The following SELENOI variants were observed in gnomAD, a reference collection of about 807,000 sequenced individuals.
SELENOI encodes ethanolaminephosphotransferase 1.
Under a neutral mutation model 50.7 loss-of-function variants are expected in SELENOI, and 24 were observed. That is an observed-to-expected ratio of 0.47 (90% CI 0.34 to 0.67). SELENOI has a LOEUF of 0.67. Ranked by LOEUF, SELENOI falls within the 30% of genes least tolerant of loss-of-function variation. SELENOI has a pLI of 0.01. For synonymous variants in SELENOI, 155 were observed against 170.2 expected (o/e 0.91, Z 0.70); for missense variants, 352 against 461.4 (o/e 0.76, Z 2.17).
At chr2:26,370,185 A>C (rs1373017952) in intron 4 of SELENOI, among the ~76,000 whole-genome samples, 1 of 151,814 alleles carries the variant, frequency 6.6e-6, no homozygotes, top group African/African-American at 2.4e-5. Context: ...GTAAGGTCAC[A>C]GATCAACAGG....
chr2:26,382,676 A>G lies in SELENOI; in HGVS notation c.683-623A>G, dbSNP rs577910119. On this transcript the variant is annotated intron_variant, in intron 6 of 9. Coordinates refer to ENST00000260585, the MANE Select transcript of SELENOI (RefSeq NM_033505.4). Reference sequence around the variant, plus strand: ...GGGAGAGAACCAGTGTGCGAATGGAAGTAGCTAGGGGGAGAAACTGAAAAT... The same window carrying G: ...GGGAGAGAACCAGTGTGCGAATGGAGGTAGCTAGGGGGAGAAACTGAAAAT... Among the ~76,000 whole-genome samples the G allele has an allele frequency of 2.6e-5, 4 of 152,216 alleles. No homozygotes were observed. In the East Asian group the frequency reaches 7.7e-4, roughly 29 times the overall value.
At chr2:26,375,975 G>A (rs962490635) in intron 6 of SELENOI, among the ~76,000 whole-genome samples, 1 of 151,568 alleles carries the variant, frequency 6.6e-6, no homozygotes, top group Non-Finnish European at 1.5e-5. Context: ...TGTGGTGCGT[G>A]CACCTGTAAT....
Position 26,392,244 on chromosome 2 carries a change from A to G in SELENOI, c.*3141A>G, listed in dbSNP as rs1677987407. 3 of 152,190 alleles carry G rather than the reference A, an allele frequency of 2.0e-5. No homozygotes were observed. In the South Asian group the frequency reaches 6.2e-4, roughly 32 times the overall value. The allele number at this position is 152,190 out of a possible 1,614,324, so 9.4% of individuals were successfully genotyped here. On this transcript the variant is annotated 3_prime_UTR_variant, in exon 10 of 10. Transcript: ENST00000260585. ...AAAGGAAAAAGCAGGCATAGTTTCCACTTTAAAGGGAAGAAGGGACTTTAA... is the reference window on the plus strand; with the variant it reads ...AAAGGAAAAAGCAGGCATAGTTTCCGCTTTAAAGGGAAGAAGGGACTTTAA...
Position 26,354,612 on chromosome 2 carries a change from T to C in SELENOI, c.57+8323T>C, listed in dbSNP as rs376660335. ...TTCACCGTGTTAGCTAGGATGGTCT[T>C]GATCTCCTGACTTCATGATTCGCCC... On this transcript the variant is annotated intron_variant, in intron 1 of 9. Coordinates refer to ENST00000260585, the MANE Select transcript of SELENOI (RefSeq NM_033505.4). Among the ~76,000 whole-genome samples the C allele has an allele frequency of 4.4e-4, 67 of 152,148 alleles. 1 individual carries two copies. In the South Asian group the frequency reaches 0.011, roughly 24 times the overall value.
At position 26,373,531 on chromosome 2, in the gene SELENOI, C is replaced by T; in HGVS notation, c.475C>T (p.Leu159=). 6.2e-7 allele frequency: 1 copy of T among 1,613,934 alleles called. No individual in the cohort carries two copies. The highest frequency in any genetic ancestry group is 8.5e-7 in the Non-Finnish European group (1 of 1,179,860). The change falls in exon 5 of 10, where the codon CTG becomes TTG. Residue 159 remains leucine (L), a synonymous_variant. Coordinates refer to ENST00000260585, the MANE Select transcript of SELENOI (RefSeq NM_033505.4). ...TGTCAGTGTTTTTGTTCTTTATCTC[C>T]TGCTATGGGTAGTTTTGTTTTCTTT... is the stretch of plus-strand genomic sequence containing the variant. ...TGVSVFVLYL[L]LWVVLFSFIL...
chr2:26,351,446 C>T (rs770795030), intron 1 of SELENOI, among the ~76,000 whole-genome samples: 5 of 152,132 alleles, frequency 3.3e-5, no homozygotes, highest in Non-Finnish European at 5.9e-5. Context: ...CACTTTCTAC[C>T]GAATGCGTGT....
At chr2:26,349,120 A>G (rs1162559302) in intron 1 of SELENOI, among the ~76,000 whole-genome samples, 2 of 130,110 alleles carry the variant, frequency 1.5e-5, no homozygotes. Context: ...CGTTCAAGCG[A>G]TTCTCCTGTC....
chr2:26,363,358 A>G (rs536735633), intron 1 of SELENOI, among the ~76,000 whole-genome samples: 21 of 152,310 alleles, frequency 1.4e-4, no homozygotes, highest in African/African-American at 5.1e-4. Context: ...GTGTATCGTA[A>G]TAGTATCAAA....
intron 6 of SELENOI, among the ~76,000 whole-genome samples, chr2:26,377,729 A>G (rs368586275): frequency 2.4e-4 from 36 of 152,160 alleles, no homozygotes; most frequent in East Asian, 1.9e-3. Flanking sequence ...CATTATTATC[A>G]TCATATTTTC....
intron 1 of SELENOI, among the ~76,000 whole-genome samples, chr2:26,356,303 G>A (rs1204977896): frequency 2.6e-5 from 4 of 152,140 alleles, no homozygotes; most frequent in African/African-American, 7.2e-5. Flanking sequence ...GACTACAGGC[G>A]TGTACTACCA....
At chr2:26,365,010 G>A (rs915212068) in intron 3 of SELENOI, 70 bp downstream of exon 3, 1 of 1,168,066 alleles carries the variant, frequency 8.6e-7, no homozygotes, top group Non-Finnish European at 1.2e-6. Context: ...TTATTTTCTG[G>A]TTTTGTTAAA....
Position 26,389,125 on chromosome 2 carries a change from G to GA in SELENOI, c.*24dup. On this transcript the variant is annotated 3_prime_UTR_variant, in exon 10 of 10. Coordinates refer to ENST00000260585, the MANE Select transcript of SELENOI (RefSeq NM_033505.4). ...GTAATAATCTTTCTTTGGGCACAAAGAAGTACTGTAAATAAATGCTTGTAA... is the reference window on the plus strand; with the variant it reads ...GTAATAATCTTTCTTTGGGCACAAAGAAAGTACTGTAAATAAATGCTTGTAA... 4 of 1,499,200 alleles carry GA rather than the reference G, an allele frequency of 2.7e-6. No individual in the cohort carries two copies. Among genetic ancestry groups the GA allele is most frequent in the African/African-American group, 1.4e-5 (1 of 72,202 alleles). 92.9% of individuals were successfully genotyped at this position (1,499,200 alleles called of 1,614,324 possible). A position where few individuals can be genotyped will look rare whatever the true frequency, so the allele number is the denominator to read the frequency against.
At chr2:26,361,409 A>G (rs1472210231) in intron 1 of SELENOI, among the ~76,000 whole-genome samples, 1 of 152,250 alleles carries the variant, frequency 6.6e-6, no homozygotes, top group Non-Finnish European at 1.5e-5. Flanking sequence ...AACAACAACT[A>G]AGAATAAAAC....
chr2:26,387,132 T>C (rs1054328049), intron 9 of SELENOI, among the ~76,000 whole-genome samples: 5 of 152,334 alleles, frequency 3.3e-5, no homozygotes, highest in Middle Eastern at 3.4e-3. Flanking sequence ...AGGGGAAATA[T>C]AGAAGAAAAG....
At chr2:26,351,584 G>T (rs976876485) in intron 1 of SELENOI, among the ~76,000 whole-genome samples, 24 of 152,180 alleles carry the variant, frequency 1.6e-4, no homozygotes, top group Non-Finnish European at 3.5e-4. Flanking sequence ...AGTGATGAAG[G>T]CCTCGGTATT....
chr2:26,374,307 T>C (rs1677520936), intron 5 of SELENOI, among the ~76,000 whole-genome samples: 1 of 152,208 alleles, frequency 6.6e-6, no homozygotes, highest in East Asian at 1.9e-4. Context: ...TTCTTTTTTC[T>C]TACTTTAATG....
intron 6 of SELENOI, among the ~76,000 whole-genome samples, chr2:26,378,001 T>C (rs957839845): frequency 6.6e-6 from 1 of 152,218 alleles, no homozygotes; most frequent in Non-Finnish European, 1.5e-5. Context: ...TGAAGAAATT[T>C]GTCCCATCAC....
chr2:26,354,649 C>G (rs1003474368), intron 1 of SELENOI, among the ~76,000 whole-genome samples: 1 of 151,942 alleles, frequency 6.6e-6, no homozygotes, highest in African/African-American at 2.4e-5. Context: ...CCTTGGCCTT[C>G]CAAAGTGCTG....
chr2:26,371,130 C>T (rs1399218116), intron 4 of SELENOI, among the ~76,000 whole-genome samples: 4 of 145,356 alleles, frequency 2.8e-5, no homozygotes, highest in African/African-American at 5.2e-5. Context: ...CCCTCCCGGA[C>T]GGGGCGGCTG....
Sources: allele counts gnomAD v4.1 joint callset (sites outside exome capture counted in the v4.1 genomes callset), GRCh38; gene constraint gnomAD v4.1.1; transcripts MANE v1.5; gene names NCBI Gene and HGNC (gene_info 2026-07-23, HGNC 2026-07-21).